Variants in MAP3K7 observed in about 807,000 individuals in gnomAD.
MAP3K7 encodes the protein mitogen-activated protein kinase kinase kinase 7, also known as TGF-beta activated kinase 1.
Under a neutral mutation model 84.8 loss-of-function variants are expected in MAP3K7, and 21 were observed. The observed-to-expected ratio is 0.25, with a 90% confidence interval of 0.18 to 0.36. The LOEUF is 0.36. Among genes scored for constraint, MAP3K7 ranks in the 10% least tolerant of loss-of-function variants. The probability of loss-of-function intolerance (pLI) is 1.00; values close to 1 mark genes in which losing one functional copy is unlikely to be tolerated. For synonymous variants in MAP3K7, 241 were observed against 247.7 expected (o/e 0.97, Z 0.25); for missense variants, 503 against 747.7 (o/e 0.67, Z 3.82).
rs912402409 is a variant in MAP3K7 at position 90,536,520 on chromosome 6, G to A, written c.1292-119C>T. 9.0e-6 allele frequency: 6 copies of A among 669,898 alleles called. No homozygotes were observed. In the African/African-American group the frequency reaches 9.2e-5, roughly 10 times the overall value. The allele number at this position is 669,898 out of a possible 1,614,324, so 41.5% of individuals were successfully genotyped here. ...CCTTGGATCTACACAAAATGTTTGT[G>A]GGGAAAAAAAAGTGAGTTTATTGCT... On this transcript the variant is annotated intron_variant, in intron 12 of 16. Transcript: ENST00000369329.
intron 9 of MAP3K7, among the ~76,000 whole-genome samples, chr6:90,549,932 A>G (rs1776127541): frequency 6.6e-6 from 1 of 152,196 alleles, no homozygotes; most frequent in Non-Finnish European, 1.5e-5. Context: ...AATGCTTATA[A>G]TGCCACTATA....
intron 12 of MAP3K7, chr6:90,542,280 T>C: frequency 1.0e-6 from 1 of 983,964 alleles, no homozygotes; most frequent in Non-Finnish European, 1.2e-6. Context: ...GGCTTTTATG[T>C]CCACTAGTGT....
chr6:90,556,755 G>C, intron 5 of MAP3K7, 131 bp from the exon 6 acceptor site: 1 of 888,698 alleles, frequency 1.1e-6, no homozygotes, highest in Non-Finnish European at 1.6e-6. Flanking sequence ...TCTGTGAAAT[G>C]ACTAATTTAC....
At chr6:90,536,191 C>T (rs1775670225) in intron 13 of MAP3K7, 146 bp downstream of exon 13, 2 of 563,242 alleles carry the variant, frequency 3.6e-6, no homozygotes, top group Admixed American at 3.2e-5. Flanking sequence ...TTTTTTCCCC[C>T]CTAAGTATTT....
In MAP3K7 at chr6:90,516,622, A is replaced by T; in HGVS notation, c.1700T>A (p.Leu567Gln). 5 of 1,611,742 alleles carry T rather than the reference A, an allele frequency of 3.1e-6. No individual in the cohort carries two copies. Among genetic ancestry groups the T allele is most frequent in the Non-Finnish European group, 3.4e-6 (4 of 1,178,914 alleles). ...DEKDQQNTSR[L>Q]VQEHKKLLDE... is the part of the protein sequence containing the mutation. ...TAAAAGCTTTTTATGTTCCTGTACC[A>T]GGCGAGATGTATTTTGCTGGTCCTT... is the stretch of plus-strand genomic sequence containing the variant. Residue 567 changes from leucine to glutamine, a missense_variant, in exon 17 of 17, where the codon CTG becomes CAG. This residue lies in a region of MAP3K7 where 43 missense variants were observed against 47.3 expected (regional missense o/e 0.91). Coordinates refer to ENST00000369329, the MANE Select transcript of MAP3K7 (RefSeq NM_145331.3).
chr6:90,586,113 C>G (rs1055299191), intron 1 of MAP3K7, among the ~76,000 whole-genome samples: 3 of 152,102 alleles, frequency 2.0e-5, no homozygotes, highest in Non-Finnish European at 4.4e-5. Flanking sequence ...TGGCTCACGC[C>G]TGTAATCCCA....
intron 3 of MAP3K7, among the ~76,000 whole-genome samples, chr6:90,563,902 G>C (rs1435121242): frequency 1.3e-5 from 2 of 152,150 alleles, no homozygotes; most frequent in Admixed American, 6.5e-5. Flanking sequence ...GAAGAGAGTG[G>C]GGGCCAATAG....
At chr6:90,553,624 T>C (rs200702502) in intron 6 of MAP3K7, 38 bp from the exon 7 acceptor site, 286 of 1,554,586 alleles carry the variant, frequency 1.8e-4, no homozygotes, top group Non-Finnish European at 2.3e-4. Context: ...CTAAAGACTA[T>C]TTTTCCACAT....
chr6:90,538,624 A>T (rs1775752705), intron 12 of MAP3K7, among the ~76,000 whole-genome samples: 1 of 151,902 alleles, frequency 6.6e-6, no homozygotes, highest in Admixed American at 6.6e-5. Context: ...TCACATTGCC[A>T]GTGCATACTA....
intron 1 of MAP3K7, among the ~76,000 whole-genome samples, chr6:90,576,705 T>C (rs1777095569): frequency 6.6e-6 from 1 of 152,176 alleles, no homozygotes; most frequent in Non-Finnish European, 1.5e-5. Flanking sequence ...TAATTGTGTG[T>C]GTATACACAC....
chr6:90,545,152 G>A (rs157683), intron 11 of MAP3K7, among the ~76,000 whole-genome samples: 65,847 of 115,138 alleles, frequency 0.57, 15,456 homozygotes, highest in African/African-American at 0.67. Context: ...TGCTTTTGTA[G>A]TCATACTTAT....
At chr6:90,585,740 G>C (rs896870028) in intron 1 of MAP3K7, among the ~76,000 whole-genome samples, 1 of 152,126 alleles carries the variant, frequency 6.6e-6, no homozygotes, top group African/African-American at 2.4e-5. Flanking sequence ...AAAGGATATG[G>C]GTTTTCTGAT....
At chr6:90,585,102 T>C (rs1322306314) in intron 1 of MAP3K7, among the ~76,000 whole-genome samples, 1 of 152,206 alleles carries the variant, frequency 6.6e-6, no homozygotes, top group African/African-American at 2.4e-5. Context: ...TACTAAGATC[T>C]GTTATGCAGA....
intron 6 of MAP3K7, 37 bp from the exon 7 acceptor site, chr6:90,553,623 ATT>A (rs756147224): frequency 3.2e-6 from 5 of 1,555,220 alleles, no homozygotes; most frequent in Non-Finnish European, 1.7e-6. Flanking sequence ...CCTAAAGACT[ATT>A]TTTCCACATG....
intron 8 of MAP3K7, 161 bp from the exon 9 acceptor site, chr6:90,550,710 C>G: frequency 1.9e-6 from 1 of 520,562 alleles, no homozygotes; most frequent in East Asian, 3.1e-5. Flanking sequence ...CAACTTTGAT[C>G]AATGCCATGC....
intron 4 of MAP3K7, among the ~76,000 whole-genome samples, chr6:90,561,416 TAA>T (rs1044786751): frequency 1.3e-5 from 2 of 152,162 alleles, no homozygotes; most frequent in Non-Finnish European, 2.9e-5. Flanking sequence ...ACCATCTACT[TAA>T]AAAATTGATA....
chr6:90,575,406 A>G (rs1326401258), intron 1 of MAP3K7, among the ~76,000 whole-genome samples: 2 of 152,136 alleles, frequency 1.3e-5, no homozygotes, highest in Non-Finnish European at 2.9e-5. Flanking sequence ...TTCTCTTCTC[A>G]CTTAGATCCC....
intron 13 of MAP3K7, among the ~76,000 whole-genome samples, chr6:90,527,200 C>A (rs1293615433): frequency 6.6e-6 from 1 of 152,170 alleles, no homozygotes; most frequent in South Asian, 2.1e-4. Context: ...CATTTAACAT[C>A]TACTTATAAA....
Position 90,513,643 on chromosome 6 carries a change from A to C in MAP3K7, c.*2858T>G, listed in dbSNP as rs1774871009. The C allele has an allele frequency of 6.6e-6, 1 of 152,160 alleles. No homozygotes were observed. The highest frequency in any genetic ancestry group is 1.9e-4 in the East Asian group (1 of 5,206). The allele number at this position is 152,160 out of a possible 1,614,324, so 9.4% of individuals were successfully genotyped here. A position where few individuals can be genotyped will look rare whatever the true frequency, so the allele number is the denominator to read the frequency against. ...AATCTAAAAAGCTTCCTTCAGTTACAAATATGCACAAGAATTTCTGCATTA... is the reference window on the plus strand; with the variant it reads ...AATCTAAAAAGCTTCCTTCAGTTACCAATATGCACAAGAATTTCTGCATTA... On this transcript the variant is annotated 3_prime_UTR_variant, in exon 17 of 17. Transcript: ENST00000369329.
Sources: allele counts gnomAD v4.1 joint callset (sites outside exome capture counted in the v4.1 genomes callset), GRCh38; gene constraint gnomAD v4.1.1; regional missense constraint gnomAD v4.1.1; transcripts MANE v1.5; gene names NCBI Gene and HGNC (gene_info 2026-07-23, HGNC 2026-07-21).